MAML2: variants seen among roughly 807,000 people sequenced by gnomAD.
MAML2 encodes the protein mastermind-like protein 2.
In MAML2, 22 loss-of-function variants were observed where a neutral mutation model predicts 96.1. The ratio of observed to expected loss-of-function variants is 0.23; its 90% CI spans 0.16 to 0.33. The LOEUF (loss-of-function observed/expected upper bound fraction) is 0.33, where lower values mean the gene tolerates loss of function less well. MAML2 is among the 10% of genes least tolerant of loss of function. MAML2 has a pLI of 1.00. For synonymous variants in MAML2, 561 were observed against 521.3 expected (o/e 1.08, Z -1.04); for missense variants, 1,367 against 1,392.4 (o/e 0.98, Z 0.29).
chr11:96,013,175 T>G (rs1858290676), intron 2 of MAML2, among the ~76,000 whole-genome samples: 1 of 152,172 alleles, frequency 6.6e-6, no homozygotes, highest in African/African-American at 2.4e-5. Flanking sequence ...TTTAAAATGA[T>G]CAAGGGAAGT....
At chr11:95,984,940 C>A (rs2509093) in intron 4 of MAML2, among the ~76,000 whole-genome samples, 6,780 of 152,098 alleles carry the variant, frequency 0.045, 208 homozygotes, top group South Asian at 0.086. Context: ...GTTTCATGAG[C>A]GGGAGGAGAG....
chr11:96,254,907 C>T (rs1007262167), intron 1 of MAML2, among the ~76,000 whole-genome samples: 1 of 152,126 alleles, frequency 6.6e-6, no homozygotes, highest in Admixed American at 6.5e-5. Context: ...ACAGCCTCTC[C>T]CAGGCTCAGG....
intron 1 of MAML2, among the ~76,000 whole-genome samples, chr11:96,202,392 T>C (rs1374467706): frequency 2.6e-5 from 4 of 151,774 alleles, no homozygotes; most frequent in Admixed American, 1.3e-4. Context: ...AGCAGTTTTA[T>C]TGGAGTAACC....
intron 1 of MAML2, among the ~76,000 whole-genome samples, chr11:96,135,245 A>T (rs1172734642): frequency 2.0e-5 from 3 of 152,206 alleles, no homozygotes; most frequent in African/African-American, 7.2e-5. Context: ...CCACGGTATG[A>T]CACAGCAAGA....
At chr11:96,097,713 T>G (rs1859855905) in intron 1 of MAML2, among the ~76,000 whole-genome samples, 1 of 152,192 alleles carries the variant, frequency 6.6e-6, no homozygotes, top group East Asian at 1.9e-4. Context: ...TAATATTTTT[T>G]AAGGAATAAG....
At chr11:96,018,921 T>C (rs1168576463) in intron 2 of MAML2, among the ~76,000 whole-genome samples, 1 of 152,168 alleles carries the variant, frequency 6.6e-6, no homozygotes, top group Non-Finnish European at 1.5e-5. Flanking sequence ...GAATTGGCAA[T>C]GTAGATATCA....
chr11:96,270,725 C>A (rs1416036443), intron 1 of MAML2, among the ~76,000 whole-genome samples: 1 of 152,168 alleles, frequency 6.6e-6, no homozygotes, highest in Non-Finnish European at 1.5e-5. Flanking sequence ...TCAGATTATG[C>A]CACTTCTCTG....
chr11:96,340,784 A>G (rs897597864), intron 1 of MAML2, among the ~76,000 whole-genome samples: 8 of 152,180 alleles, frequency 5.3e-5, no homozygotes, highest in African/African-American at 1.9e-4. Flanking sequence ...GCCTCTTAAG[A>G]AACAGTGCCT....
At chr11:96,010,929 A>G (rs1052363131) in intron 2 of MAML2, among the ~76,000 whole-genome samples, 5 of 152,340 alleles carry the variant, frequency 3.3e-5, no homozygotes, top group African/African-American at 1.2e-4. Context: ...ATCCAGAAAA[A>G]TATTCTTTAA....
chr11:96,276,518 A>C (rs1862990048), intron 1 of MAML2, among the ~76,000 whole-genome samples: 1 of 152,196 alleles, frequency 6.6e-6, no homozygotes, highest in African/African-American at 2.4e-5. Flanking sequence ...CACCCTCAAA[A>C]GCTGAGAGTG....
intron 1 of MAML2, among the ~76,000 whole-genome samples, chr11:96,297,841 T>C (rs1863324591): frequency 6.6e-6 from 1 of 152,218 alleles, no homozygotes; most frequent in Admixed American, 6.5e-5. Flanking sequence ...TATGCATCTC[T>C]AAAAATATTT....
intron 1 of MAML2, among the ~76,000 whole-genome samples, chr11:96,281,087 A>T (rs1863057535): frequency 6.6e-6 from 1 of 152,216 alleles, no homozygotes. Flanking sequence ...AAGTTTTCAA[A>T]TCATGTGTAC....
In MAML2 at chr11:96,342,114, G is replaced by T; in HGVS notation, c.-219C>A. ...AAAGAATAGAAACCAACTGGGGGGA[G>T]GATAAGTTGGAAACAAACCCTGATT... On this transcript the variant is annotated 5_prime_UTR_variant, in exon 1 of 5. Coordinates refer to ENST00000524717, the MANE Select transcript of MAML2 (RefSeq NM_032427.4). The T allele has an allele frequency of 1.8e-6, 1 of 547,386 alleles. No homozygotes were observed. Among genetic ancestry groups the T allele is most frequent in the Non-Finnish European group, 3.2e-6 (1 of 309,914 alleles). The allele number at this position is 547,386 out of a possible 1,614,324, so 33.9% of individuals were successfully genotyped here.
At chr11:96,224,989 T>C (rs895249029) in intron 1 of MAML2, among the ~76,000 whole-genome samples, 2 of 152,202 alleles carry the variant, frequency 1.3e-5, no homozygotes, top group African/African-American at 2.4e-5. Flanking sequence ...AAATTGAACA[T>C]TGTGATACAT....
At chr11:96,165,975 C>T (rs2135894346) in intron 1 of MAML2, among the ~76,000 whole-genome samples, 1 of 152,284 alleles carries the variant, frequency 6.6e-6, no homozygotes, top group Admixed American at 6.5e-5. Context: ...CAGCACAAGA[C>T]CATGAGGACA....
At position 96,334,968 on chromosome 11, in the gene MAML2, T is replaced by G. The variant is rs7117909; in HGVS notation, c.513+6415A>C. ...AGGGAAGTGGAATAGCTTTTGCTCT[T>G]TTACCTCTGTTTCTCACAAATGTGT... is the stretch of plus-strand genomic sequence containing the variant. On this transcript the variant is annotated intron_variant, in intron 1 of 4. Coordinates refer to ENST00000524717, the MANE Select transcript of MAML2 (RefSeq NM_032427.4). Among the ~76,000 whole-genome samples, 466 of 152,320 alleles carry G rather than the reference T, an allele frequency of 3.1e-3. 3 individuals are homozygous for G. The highest frequency in any genetic ancestry group is 0.01 in the African/African-American group (430 of 41,572).
At chr11:96,212,970 A>G (rs1380468714) in intron 1 of MAML2, among the ~76,000 whole-genome samples, 1 of 152,134 alleles carries the variant, frequency 6.6e-6, no homozygotes, top group Non-Finnish European at 1.5e-5. Flanking sequence ...CTCATCTTAC[A>G]ATTAGGAGGA....
At position 96,145,265 on chromosome 11, in the gene MAML2, A is replaced by G. The variant is rs1251786453; in HGVS notation, c.514-51748T>C. The stretch of plus-strand genomic sequence containing the variant: ...CCCTTTGGAGACCTTGAGGAAGACC[A>G]TGAGCCGCCAAATAGCTACCATGAT... On this transcript the variant is annotated intron_variant, in intron 1 of 4. Transcript: ENST00000524717. 2.6e-5 allele frequency among the ~76,000 whole-genome samples: 4 copies of G among 152,214 alleles called. No homozygotes were observed. In the East Asian group the frequency reaches 7.7e-4, roughly 29 times the overall value.
At chr11:96,242,705 G>C (rs1180269714) in intron 1 of MAML2, among the ~76,000 whole-genome samples, 2 of 152,118 alleles carry the variant, frequency 1.3e-5, no homozygotes, top group African/African-American at 4.8e-5. Flanking sequence ...CAGACAATAA[G>C]GGATAGACTC....
Sources: gnomAD v4.1 joint callset for allele counts (sites outside exome capture counted in the v4.1 genomes callset) on GRCh38, gnomAD v4.1.1 for gene constraint, MANE v1.5 for transcripts, NCBI Gene and HGNC (gene_info 2026-07-23, HGNC 2026-07-21) for gene names.